Variants in PGPEP1L observed in about 807,000 individuals in gnomAD.
PGPEP1L encodes the protein pyroglutamyl-peptidase I like.
Under a neutral mutation model 6.0 loss-of-function variants are expected in PGPEP1L, and 7 were observed. The observed-to-expected ratio is 1.17, with a 90% CI of 0.66 to 2.19. The LOEUF is 2.19. Among genes scored for constraint, PGPEP1L ranks in the 30% most tolerant of loss-of-function variants. The probability of loss-of-function intolerance (pLI) is 0.00; values close to 1 mark genes in which losing one functional copy is unlikely to be tolerated. For missense variants in PGPEP1L, 209 were observed against 192.5 expected (o/e 1.09, Z -0.51); for synonymous variants, 103 against 83.9 (o/e 1.23, Z -1.24).
Position 98,982,700 on chromosome 15 carries a change from C to CTTTTTTTTTTTTTTTTTTTT in PGPEP1L, c.-141-11562_-141-11543dup, listed in dbSNP as rs369749842. ...TCACTCTGGTTATTTTTATCTGAGG[C>CTTTTTTTTTTTTTTTTTTTT]TTTTTTTTTTTTTTTTTTTTTTTTT... On this transcript the variant is annotated intron_variant, in intron 2 of 4. Coordinates refer to ENST00000535714, the MANE Select transcript of PGPEP1L (RefSeq NM_001167902.2). 6.3e-4 allele frequency among the ~76,000 whole-genome samples: 33 copies of CTTTTTTTTTTTTTTTTTTTT among 52,506 alleles called. 3 individuals are homozygous for CTTTTTTTTTTTTTTTTTTTT. The highest frequency in any genetic ancestry group is 1.1e-3 in the Non-Finnish European group (27 of 23,888). The allele number at this position is 52,506 out of a possible 152,430, so 34.4% of individuals were successfully genotyped here.
At chr15:98,984,198 G>A (rs1202720326) in intron 2 of PGPEP1L, among the ~76,000 whole-genome samples, 3 of 152,012 alleles carry the variant, frequency 2.0e-5, no homozygotes, top group African/African-American at 7.2e-5. Flanking sequence ...TTTTAGCAGA[G>A]ACAGAGTTTC....
chr15:98,971,212 G>T, intron 2 of PGPEP1L, 54 bp from the exon 3 acceptor site: 2 of 410,226 alleles, frequency 4.9e-6, no homozygotes, highest in Non-Finnish European at 7.8e-6. Context: ...GGGGGGGGGT[G>T]GGCACCAAGA....
chr15:99,001,228 A>G (rs1161087517), intron 2 of PGPEP1L: 2 of 409,660 alleles, frequency 4.9e-6, no homozygotes, highest in East Asian at 1.8e-4. Flanking sequence ...AGTGAGACCA[A>G]CAACCCACCA....
At chr15:98,972,004 T>C (rs2017504361) in intron 2 of PGPEP1L, among the ~76,000 whole-genome samples, 1 of 152,238 alleles carries the variant, frequency 6.6e-6, no homozygotes, top group Non-Finnish European at 1.5e-5. Flanking sequence ...TATCCAATTT[T>C]TTTATAAGCC....
chr15:98,995,848 C>T (rs1286585960), intron 2 of PGPEP1L, among the ~76,000 whole-genome samples: 2 of 152,148 alleles, frequency 1.3e-5, no homozygotes, highest in Non-Finnish European at 2.9e-5. Context: ...CTTCACCTAC[C>T]CTAGGAAACC....
At chr15:98,999,338 A>T (rs2017929056) in intron 2 of PGPEP1L, among the ~76,000 whole-genome samples, 2 of 152,262 alleles carry the variant, frequency 1.3e-5, no homozygotes, top group African/African-American at 2.4e-5. Context: ...AAGATGTTCA[A>T]CATCATTAGC....
At chr15:98,978,964 G>C (rs899465420) in intron 2 of PGPEP1L, among the ~76,000 whole-genome samples, 1 of 151,650 alleles carries the variant, frequency 6.6e-6, no homozygotes, top group African/African-American at 2.4e-5. Context: ...TCTTGACCTC[G>C]TGATCCGCCC....
intron 2 of PGPEP1L, among the ~76,000 whole-genome samples, chr15:98,977,007 A>C (rs1475751277): frequency 3.0e-5 from 1 of 33,636 alleles, no homozygotes; most frequent in Admixed American, 4.3e-4. Flanking sequence ...AAATGGCAAA[A>C]AAAAAAAAAA....
At chr15:99,007,008 G>A (rs2654976) in intron 1 of PGPEP1L, among the ~76,000 whole-genome samples, 99,437 of 151,892 alleles carry the variant, frequency 0.65, 34,244 homozygotes, top group Non-Finnish European at 0.77. Context: ...CTGCTGAATT[G>A]TCCTCCTGAT....
chr15:99,000,824 G>A (rs990075342), intron 2 of PGPEP1L, among the ~76,000 whole-genome samples: 29 of 152,206 alleles, frequency 1.9e-4, no homozygotes, highest in Middle Eastern at 6.8e-3. Flanking sequence ...AGCAGGCTGC[G>A]GGAGCCAACA....
Position 98,973,086 on chromosome 15 carries a change from A to C in PGPEP1L, c.-141-1928T>G, listed in dbSNP as rs546169631. ...ACTTATATCAGATAAAATGGACTTT[A>C]AGTCAAGAATGGTGAAAAAAAGGAC... On this transcript the variant is annotated intron_variant, in intron 2 of 4. Coordinates refer to ENST00000535714, the MANE Select transcript of PGPEP1L (RefSeq NM_001167902.2). 2.6e-5 allele frequency among the ~76,000 whole-genome samples: 4 copies of C among 152,316 alleles called. No individual in the cohort carries two copies. In the South Asian group the frequency reaches 8.3e-4, roughly 32 times the overall value.
chr15:98,994,047 C>A (rs1434049496), intron 2 of PGPEP1L, among the ~76,000 whole-genome samples: 1 of 150,342 alleles, frequency 6.7e-6, no homozygotes, highest in Non-Finnish European at 1.5e-5. Context: ...GCAGGTGGAT[C>A]ATGAGGTCAG....
At chr15:98,998,262 C>G (rs1402984035) in intron 2 of PGPEP1L, 2 of 152,594 alleles carry the variant, frequency 1.3e-5, no homozygotes, top group Non-Finnish European at 2.9e-5. Flanking sequence ...CCATAAGACT[C>G]TGTTCCTGCT....
In PGPEP1L at chr15:98,984,883, G is replaced by A. The variant is rs116535539; in HGVS notation, c.-141-13725C>T. Reference sequence around the variant, plus strand: ...CTAGAGACTGATAGCAAGGACGGTGGAGAAGACAAACTCGACTGGCAGAGG... The same window carrying A: ...CTAGAGACTGATAGCAAGGACGGTGAAGAAGACAAACTCGACTGGCAGAGG... On this transcript the variant is annotated intron_variant, in intron 2 of 4. Transcript: ENST00000535714. Among the ~76,000 whole-genome samples the A allele has an allele frequency of 5.7e-3, 864 of 152,222 alleles. 9 individuals are homozygous for A. Among genetic ancestry groups the A allele is most frequent in the African/African-American group, 0.02 (816 of 41,534 alleles).
intron 2 of PGPEP1L, among the ~76,000 whole-genome samples, chr15:99,000,056 C>A (rs902807497): frequency 6.6e-6 from 1 of 152,232 alleles, no homozygotes; most frequent in Admixed American, 6.5e-5. Context: ...GAGGGAGAGG[C>A]GCGGGCGGGA....
intron 2 of PGPEP1L, among the ~76,000 whole-genome samples, chr15:98,973,139 G>C (rs895246435): frequency 6.6e-6 from 1 of 151,992 alleles, no homozygotes; most frequent in Non-Finnish European, 1.5e-5. Flanking sequence ...AATGACAAAG[G>C]GATCAATAAA....
chr15:98,999,632 A>G (rs1213489269), intron 2 of PGPEP1L, among the ~76,000 whole-genome samples: 1 of 152,240 alleles, frequency 6.6e-6, no homozygotes, highest in Non-Finnish European at 1.5e-5. Context: ...AAACGTTCAT[A>G]GAAGCTTTAT....
At chr15:99,001,694 A>T (rs931744578) in intron 2 of PGPEP1L, among the ~76,000 whole-genome samples, 2 of 19,958 alleles carry the variant, frequency 1.0e-4, no homozygotes, top group African/African-American at 2.9e-4. Flanking sequence ...GTATGATTTC[A>T]TTTATATATT....
At chr15:99,005,273 G>A (rs544942390) in intron 2 of PGPEP1L, among the ~76,000 whole-genome samples, 156 bp downstream of exon 2, 6 of 152,390 alleles carry the variant, frequency 3.9e-5, no homozygotes, top group African/African-American at 1.2e-4. Flanking sequence ...GGGCACAGCA[G>A]CAAGTTCGTT....
Sources: gnomAD v4.1 joint callset for allele counts (sites outside exome capture counted in the v4.1 genomes callset) on GRCh38, gnomAD v4.1.1 for gene constraint, MANE v1.5 for transcripts, NCBI Gene and HGNC (gene_info 2026-07-23, HGNC 2026-07-21) for gene names.